Variants in HOMER1 observed in about 807,000 individuals in gnomAD.
The protein encoded by HOMER1 is homer scaffold protein 1.
A neutral mutation model predicts 48.9 loss-of-function variants in HOMER1; 3 were observed. The ratio of observed to expected loss-of-function variants is 0.06; its 90% CI spans 0.03 to 0.16. HOMER1 has a LOEUF of 0.16. HOMER1 is among the 10% of genes least tolerant of loss of function. The probability of loss-of-function intolerance (pLI) is 1.00; values close to 1 mark genes in which losing one functional copy is unlikely to be tolerated. For missense variants in HOMER1, 247 were observed against 411.4 expected, an observed-to-expected ratio of 0.60 and a Z score of 3.46; for synonymous variants, 134 against 146.4, an observed-to-expected ratio of 0.92 and a Z score of 0.61.
chr5:79,428,154 C>T lies in HOMER1; in HGVS notation c.527+10856G>A, dbSNP rs115562403. ...CTTTTAAGAAATAAACATAAGAAAG[C>T]ATATTGCTCTATTTGTCAATGAATA... On this transcript the variant is annotated intron_variant, in intron 5 of 8. Transcript: ENST00000334082. Among the ~76,000 whole-genome samples, 1,254 of 152,172 alleles carry T rather than the reference C, an allele frequency of 8.2e-3. 14 individuals carry two copies. Among genetic ancestry groups the T allele is most frequent in the African/African-American group, 0.027 (1,119 of 41,540 alleles).
intron 5 of HOMER1, among the ~76,000 whole-genome samples, chr5:79,418,504 G>GT (rs984252436): frequency 2.6e-5 from 4 of 152,146 alleles, no homozygotes; most frequent in African/African-American, 9.7e-5. Context: ...TTGCTTTGCT[G>GT]TTTTTCCAGT....
intron 1 of HOMER1, among the ~76,000 whole-genome samples, chr5:79,509,411 A>G (rs1017337825): frequency 1.4e-5 from 2 of 142,188 alleles, no homozygotes; most frequent in Non-Finnish European, 3.0e-5. Context: ...AAGTGGTTGA[A>G]GTTACTTGAT....
intron 1 of HOMER1, among the ~76,000 whole-genome samples, chr5:79,479,206 A>G (rs942317585): frequency 6.6e-6 from 1 of 152,320 alleles, no homozygotes; most frequent in Middle Eastern, 3.4e-3. Flanking sequence ...CATAAAAAAC[A>G]CTAACATTTG....
At chr5:79,496,139 C>T (rs1645648975) in intron 1 of HOMER1, among the ~76,000 whole-genome samples, 2 of 152,132 alleles carry the variant, frequency 1.3e-5, no homozygotes, top group African/African-American at 4.8e-5. Flanking sequence ...AAAGAGGGAA[C>T]TAAGTGAACA....
chr5:79,489,329 T>A (rs1264518715), intron 1 of HOMER1, among the ~76,000 whole-genome samples: 1 of 152,144 alleles, frequency 6.6e-6, no homozygotes, highest in East Asian at 1.9e-4. Context: ...GAAAGAAGAA[T>A]ACACGGCCAA....
intron 1 of HOMER1, among the ~76,000 whole-genome samples, chr5:79,458,209 T>C (rs1265778375): frequency 6.6e-6 from 1 of 152,110 alleles, no homozygotes; most frequent in African/African-American, 2.4e-5. Flanking sequence ...ATGATCTATA[T>C]ATAATAGAAG....
intron 2 of HOMER1, 145 bp from the exon 3 acceptor site, chr5:79,451,266 G>A: frequency 1.4e-6 from 1 of 723,950 alleles, no homozygotes; most frequent in African/African-American, 1.8e-5. Context: ...AATAGTTTCT[G>A]GCATTATAAG....
intron 1 of HOMER1, among the ~76,000 whole-genome samples, chr5:79,459,782 A>G (rs776896508): frequency 1.1e-4 from 17 of 152,226 alleles, no homozygotes; most frequent in Admixed American, 2.0e-4. Flanking sequence ...TAAGTAACTG[A>G]CAGCTATGAT....
Position 79,492,757 on chromosome 5 carries a change from G to A in HOMER1, c.5+20013C>T, listed in dbSNP as rs929764510. 5.3e-5 allele frequency among the ~76,000 whole-genome samples: 8 copies of A among 152,014 alleles called. No homozygotes were observed. The South Asian group carries it at 1.7e-3, about 32-fold the overall frequency. On this transcript the variant is annotated intron_variant, in intron 1 of 8. Transcript: ENST00000334082. ...AATACGTATTAGGTTGGTCTTCCAA[G>A]ATAAGAAATGTTCTTTATAGAAGGA...
intron 8 of HOMER1, among the ~76,000 whole-genome samples, chr5:79,387,176 G>C (rs558462772): frequency 6.6e-6 from 1 of 151,318 alleles, no homozygotes; most frequent in East Asian, 2.0e-4. Flanking sequence ...CTGTCACCCA[G>C]ACGTGCAGTG....
At position 79,479,845 on chromosome 5, in the gene HOMER1, T is replaced by G. The variant is rs185924361; in HGVS notation, c.6-22827A>C. ...GTGTTTTTTCATTAAGAATGTTTAA[T>G]AGTGATAGAATTACCGAAAACCAGC... On this transcript the variant is annotated intron_variant, in intron 1 of 8. Transcript: ENST00000334082. Among the ~76,000 whole-genome samples the G allele has an allele frequency of 5.9e-5, 9 of 152,342 alleles. No homozygotes were observed. In the East Asian group the frequency reaches 1.7e-3, roughly 29 times the overall value.
intron 8 of HOMER1, among the ~76,000 whole-genome samples, chr5:79,377,726 C>A (rs1309775634): frequency 6.6e-6 from 1 of 151,870 alleles, no homozygotes; most frequent in African/African-American, 2.4e-5. Flanking sequence ...ATGAAAAGAA[C>A]AGAATATAAA....
At chr5:79,458,523 A>G (rs1751233608) in intron 1 of HOMER1, among the ~76,000 whole-genome samples, 1 of 152,128 alleles carries the variant, frequency 6.6e-6, no homozygotes, top group Admixed American at 6.6e-5. Context: ...AGTCCACGGC[A>G]AAATGGCTCT....
intron 2 of HOMER1, among the ~76,000 whole-genome samples, chr5:79,455,240 C>A (rs1017483162): frequency 2.0e-5 from 3 of 152,066 alleles, no homozygotes; most frequent in Admixed American, 6.6e-5. Flanking sequence ...CCCAGCCCTG[C>A]ATGCAGAAGC....
chr5:79,406,001 C>T (rs1749652099), intron 5 of HOMER1, among the ~76,000 whole-genome samples: 1 of 152,162 alleles, frequency 6.6e-6, no homozygotes, highest in South Asian at 2.1e-4. Context: ...CATGGAGAAT[C>T]TACAACAAAC....
rs570456082 is a variant in HOMER1, at chr5:79,401,470, G to A, written c.684+429C>T. Among the ~76,000 whole-genome samples the A allele has an allele frequency of 2.0e-5, 3 of 152,190 alleles. No homozygotes were observed. The South Asian group carries it at 6.2e-4, about 32-fold the overall frequency. ...ACTCTGGTCTTGTAAACCAGAAATG[G>A]AGAATCCCCTCCCCAGGACAACTCA... On this transcript the variant is annotated intron_variant, in intron 6 of 8. Coordinates refer to ENST00000334082, the MANE Select transcript of HOMER1 (RefSeq NM_004272.5).
rs371456227 is a variant in HOMER1, at chr5:79,376,216, A to G, written c.877-19T>C. On this transcript the variant is annotated intron_variant, in intron 8 of 8. Transcript: ENST00000334082. ...CTACTTCCTTCAGAAACAAAAGTGT[A>G]ACATGTATATATGTCAATTCATCAC... 2.5e-6 allele frequency: 4 copies of G among 1,581,772 alleles called. No homozygotes were observed. In the African/African-American group the frequency reaches 5.4e-5, roughly 21 times the overall value.
At chr5:79,426,760 T>G (rs1750268293) in intron 5 of HOMER1, among the ~76,000 whole-genome samples, 1 of 151,976 alleles carries the variant, frequency 6.6e-6, no homozygotes, top group Non-Finnish European at 1.5e-5. Context: ...TAACAATAAT[T>G]TATTATATTA....
At chr5:79,429,339 C>A (rs1256874579) in intron 5 of HOMER1, among the ~76,000 whole-genome samples, 2 of 152,164 alleles carry the variant, frequency 1.3e-5, no homozygotes, top group Admixed American at 6.5e-5. Flanking sequence ...GGCCCCACTG[C>A]ACTCCAGTTT....
Sources: allele counts gnomAD v4.1 joint callset (sites outside exome capture counted in the v4.1 genomes callset), GRCh38; gene constraint gnomAD v4.1.1; transcripts MANE v1.5; gene names NCBI Gene and HGNC (gene_info 2026-07-23, HGNC 2026-07-21).